Variants in ARFGEF1 observed in about 807,000 individuals in gnomAD.
The protein encoded by ARFGEF1 is ARF guanine nucleotide exchange factor 1.
A neutral mutation model predicts 231.0 loss-of-function variants in ARFGEF1; 42 were observed. The observed-to-expected ratio is 0.18, with a 90% CI of 0.14 to 0.24. The LOEUF (loss-of-function observed/expected upper bound fraction) is 0.24. Ranked by LOEUF, ARFGEF1 falls within the 10% of genes least tolerant of loss-of-function variation. The pLI is 1.00. For missense variants in ARFGEF1, 1,345 were observed against 2,192.0 expected, an observed-to-expected ratio of 0.61 and a Z score of 7.72; for synonymous variants, 710 against 732.3, an observed-to-expected ratio of 0.97 and a Z score of 0.49.
chr8:67,204,576 T>G (rs1244566548), intron 35 of ARFGEF1, 104 bp downstream of exon 35: 2 of 1,326,400 alleles, frequency 1.5e-6, no homozygotes, highest in Non-Finnish European at 2.0e-6. Context: ...ATCTGTATGA[T>G]GAAGGCCCCA....
At chr8:67,176,343 G>T (rs1241628135) in intron 5 of ARFGEF1, among the ~76,000 whole-genome samples, 1 of 152,182 alleles carries the variant, frequency 6.6e-6, no homozygotes. Flanking sequence ...TGCAGAATCT[G>T]AGGAAGATTT....
At chr8:67,298,084 G>A (rs113403728) in intron 4 of ARFGEF1, among the ~76,000 whole-genome samples, 3,793 of 151,468 alleles carry the variant, frequency 0.025, 108 homozygotes, top group South Asian at 0.047. Context: ...GGGATTACAG[G>A]CATGAGCTAC....
chr8:67,295,882 A>C (rs867337032), intron 5 of ARFGEF1, among the ~76,000 whole-genome samples: 44 of 152,170 alleles, frequency 2.9e-4, no homozygotes, highest in African/African-American at 9.9e-4. Context: ...CTCTACGTTT[A>C]AAAAGAGTTC....
At chr8:67,298,792 G>A (rs891107622) in intron 4 of ARFGEF1, among the ~76,000 whole-genome samples, 3 of 152,078 alleles carry the variant, frequency 2.0e-5, no homozygotes, top group African/African-American at 7.2e-5. Flanking sequence ...TTGAGACTGA[G>A]TTTCACTCTG....
rs891569360 is a variant in ARFGEF1, at chr8:67,190,570, A to T, written c.560+9826T>A. On this transcript the variant is annotated intron_variant, in intron 5 of 5. Coordinates refer to the ARFGEF1 transcript ENST00000518789. ...ATGGTATTGTAAGCAAAATCTTAGT[A>T]ATTAAAAGGCTCTTGGTTTAGCTCT... 1.2e-5 allele frequency: 12 copies of T among 1,008,626 alleles called. No homozygotes were observed. The African/African-American group carries it at 1.9e-4, about 16-fold the overall frequency. The allele number at this position is 1,008,626 out of a possible 1,614,324, so 62.5% of individuals were successfully genotyped here.
In ARFGEF1 at chr8:67,225,612, TAC is replaced by T. The variant is rs373396349; in HGVS notation, c.4077+409_4077+410del. Among the ~76,000 whole-genome samples the T allele has an allele frequency of 7.4e-4, 113 of 152,276 alleles. 1 individual carries two copies. Among genetic ancestry groups the T allele is most frequent in the African/African-American group, 2.5e-3 (106 of 41,570 alleles). ...ATCCATAGTCAGTCAGCTTCAGTAT[TAC>T]ACAGCACAGACAGACAAGATGCACT... On this transcript the variant is annotated intron_variant, in intron 28 of 38. Coordinates refer to ENST00000262215, the MANE Select transcript of ARFGEF1 (RefSeq NM_006421.5).
intron 1 of ARFGEF1, among the ~76,000 whole-genome samples, chr8:67,335,736 T>C (rs1275445427): frequency 6.6e-6 from 1 of 152,104 alleles, no homozygotes; most frequent in Admixed American, 6.5e-5. Context: ...TAATATGAAA[T>C]ATTTTAAAGA....
At chr8:67,295,583 A>T (rs893199998) in intron 5 of ARFGEF1, among the ~76,000 whole-genome samples, 13 of 152,210 alleles carry the variant, frequency 8.5e-5, no homozygotes, top group African/African-American at 3.1e-4. Flanking sequence ...AAAAATAGCA[A>T]GATCATGAAA....
At chr8:67,306,929 C>T (rs1335294336) in intron 1 of ARFGEF1, among the ~76,000 whole-genome samples, 1 of 152,186 alleles carries the variant, frequency 6.6e-6, no homozygotes, top group African/African-American at 2.4e-5. Context: ...GGGGTGCCCG[C>T]CACCAAGCAC....
chr8:67,258,129 T>C lies in ARFGEF1; in HGVS notation c.2397A>G (p.Arg799=), dbSNP rs376268636. 1.2e-6 allele frequency: 2 copies of C among 1,613,950 alleles called. No individual in the cohort carries two copies. Among genetic ancestry groups the C allele is most frequent in the Non-Finnish European group, 1.7e-6 (2 of 1,179,978 alleles). The stretch of plus-strand genomic sequence containing the variant: ...ATCTTGCAGCAAATTTTTCCATTAA[T>C]CGATCGATTTTCTGAGCTTCCCCTG... The part of the protein sequence containing the change: ...RLPGEAQKID[R]LMEKFAARYL... Residue 799 remains arginine, a synonymous_variant, in exon 16 of 39, where the codon CGA becomes CGG. Coordinates refer to ENST00000262215, the MANE Select transcript of ARFGEF1 (RefSeq NM_006421.5).
At chr8:67,186,557 A>T (rs983096894) in intron 5 of ARFGEF1, among the ~76,000 whole-genome samples, 1 of 152,214 alleles carries the variant, frequency 6.6e-6, no homozygotes, top group African/African-American at 2.4e-5. Context: ...GATAAAGAAC[A>T]TCTACAAAAG....
chr8:67,238,296 A>T, intron 22 of ARFGEF1, 47 bp downstream of exon 22: 1 of 1,521,244 alleles, frequency 6.6e-7, no homozygotes, highest in Non-Finnish European at 8.9e-7. Context: ...AGTGACTTAT[A>T]ATGAGGAAGT....
At position 67,311,834 on chromosome 8, in the gene ARFGEF1, T is replaced by C. The variant is rs756956327; in HGVS notation, c.125-9368A>G. Among the ~76,000 whole-genome samples the C allele has an allele frequency of 2.8e-4, 43 of 152,266 alleles. 1 individual carries two copies. The highest frequency in any genetic ancestry group is 4.9e-4 in the Non-Finnish European group (33 of 68,004). ...GGGAAAAGATTGAGAAATCGGATGG[T>C]TGCCGTGTCTGTGTAGAAAGTAGTA... On this transcript the variant is annotated intron_variant, in intron 1 of 38. Coordinates refer to ENST00000262215, the MANE Select transcript of ARFGEF1 (RefSeq NM_006421.5).
At chr8:67,186,970 CATCTATCT>C (rs59504632) in intron 5 of ARFGEF1, among the ~76,000 whole-genome samples, 6,424 of 149,822 alleles carry the variant, frequency 0.043, 185 homozygotes, top group South Asian at 0.066. Flanking sequence ...ATCTATCTAT[CATCTATCT>C]ATCTATCTAT....
At chr8:67,332,168 A>C in intron 1 of ARFGEF1, among the ~76,000 whole-genome samples, 1 of 152,222 alleles carries the variant, frequency 6.6e-6, no homozygotes, top group Non-Finnish European at 1.5e-5. Flanking sequence ...ATTACACAAT[A>C]AGTACTTTTA....
At chr8:67,236,692 A>G (rs879670465) in intron 22 of ARFGEF1, among the ~76,000 whole-genome samples, 1 of 152,114 alleles carries the variant, frequency 6.6e-6, no homozygotes, top group Non-Finnish European at 1.5e-5. Context: ...AGAATGGTGC[A>G]GACCAAAAAG....
At chr8:67,258,853 A>C (rs889441714) in intron 15 of ARFGEF1, among the ~76,000 whole-genome samples, 1 of 149,498 alleles carries the variant, frequency 6.7e-6, no homozygotes, top group South Asian at 2.1e-4. Flanking sequence ...ACACACACAC[A>C]CCAGTCATCA....
At chr8:67,195,712 A>T (rs1256477017), downstream of ARFGEF1, 1 of 706,182 alleles carries the variant, frequency 1.4e-6, no homozygotes, top group East Asian at 2.7e-5. Context: ...CATCATCTGT[A>T]TATAAAATTA....
At chr8:67,189,728 T>C (rs963615168) in intron 5 of ARFGEF1, among the ~76,000 whole-genome samples, 11 of 152,316 alleles carry the variant, frequency 7.2e-5, no homozygotes, top group Non-Finnish European at 7.4e-5. Flanking sequence ...CACCAACTTA[T>C]TGGTGTAGCA....
Sources: allele counts gnomAD v4.1 joint callset (sites outside exome capture counted in the v4.1 genomes callset), GRCh38; gene constraint gnomAD v4.1.1; transcripts MANE v1.5; gene names NCBI Gene and HGNC (gene_info 2026-07-23, HGNC 2026-07-21).